The following COL26A1 variants were observed in gnomAD, a reference collection of about 807,000 sequenced individuals.
COL26A1 encodes the protein collagen type XXVI alpha 1 chain.
In COL26A1, 41 loss-of-function variants were observed where a neutral mutation model predicts 59.3. The observed-to-expected ratio is 0.69, with a 90% confidence interval of 0.54 to 0.90. The LOEUF (loss-of-function observed/expected upper bound fraction) is 0.90. Among genes scored for constraint, COL26A1 ranks in the 40% least tolerant of loss-of-function variants. The probability of loss-of-function intolerance (pLI) is 0.00; values close to 1 mark genes in which losing one functional copy is unlikely to be tolerated. For synonymous variants in COL26A1, 266 were observed against 256.0 expected, an observed-to-expected ratio of 1.04 and a Z score of -0.37; for missense variants, 612 against 602.3, an observed-to-expected ratio of 1.02 and a Z score of -0.17.
At chr7:101,432,340 G>A (rs979551749) in intron 2 of COL26A1, among the ~76,000 whole-genome samples, 1 of 152,182 alleles carries the variant, frequency 6.6e-6, no homozygotes, top group Admixed American at 6.5e-5. Flanking sequence ...GGTGGCTCAT[G>A]CTAGGGGGAT....
intron 3 of COL26A1, among the ~76,000 whole-genome samples, chr7:101,481,182 A>G (rs1358618481): frequency 6.6e-6 from 1 of 152,122 alleles, no homozygotes; most frequent in Non-Finnish European, 1.5e-5. Context: ...ACAGTTTTCT[A>G]GCAAATCTTT....
At chr7:101,452,337 C>T (rs991222661) in intron 3 of COL26A1, among the ~76,000 whole-genome samples, 1 of 152,086 alleles carries the variant, frequency 6.6e-6, no homozygotes, top group Non-Finnish European at 1.5e-5. Flanking sequence ...GGGCTGTGGA[C>T]CCACCTTTCT....
intron 3 of COL26A1, among the ~76,000 whole-genome samples, chr7:101,466,795 G>GGTGTGTGTGTGTGTGTGTGTGTGT (rs59942660): frequency 1.6e-5 from 2 of 125,174 alleles, no homozygotes; most frequent in East Asian, 2.3e-4. Context: ...GGCATGTTCT[G>GGTGTGTGTGTGTGTGTGTGTGTGT]GTGTGTGTGT....
chr7:101,488,150 C>G (rs1357699091), intron 3 of COL26A1, among the ~76,000 whole-genome samples: 1 of 150,236 alleles, frequency 6.7e-6, no homozygotes, highest in Non-Finnish European at 1.5e-5. Context: ...GATGTGGTGG[C>G]GGGTGCCTGT....
rs190315247 is a variant in COL26A1 at position 101,454,334 on chromosome 7, G to A, written c.385+6547G>A. 3.6e-3 allele frequency among the ~76,000 whole-genome samples: 515 copies of A among 145,024 alleles called. 3 individuals carry two copies. The highest frequency in any genetic ancestry group is 0.011 in the African/African-American group (429 of 38,954). ...GACTGGAGTGCAATGGCATGATCTC[G>A]GCTCACTGCAACCTCCCAGGTTCAA... On this transcript the variant is annotated intron_variant, in intron 3 of 12. Transcript: ENST00000313669.
At chr7:101,516,562 C>T (rs184125003) in intron 3 of COL26A1, among the ~76,000 whole-genome samples, 31 of 152,308 alleles carry the variant, frequency 2.0e-4, no homozygotes, top group African/African-American at 7.5e-4. Flanking sequence ...TAAGCTAGTG[C>T]ACCTGGTGAG....
At chr7:101,405,742 G>A (rs1458915762) in intron 1 of COL26A1, among the ~76,000 whole-genome samples, 1 of 152,058 alleles carries the variant, frequency 6.6e-6, no homozygotes, top group African/African-American at 2.4e-5. Flanking sequence ...CGGTAGTTGG[G>A]GATCACTGCT....
chr7:101,389,536 T>C (rs1791673567), intron 1 of COL26A1, among the ~76,000 whole-genome samples: 1 of 151,848 alleles, frequency 6.6e-6, no homozygotes, highest in East Asian at 1.9e-4. Flanking sequence ...TGCACCACCA[T>C]GTCCAGCTAT....
At chr7:101,391,047 G>A (rs1051693521) in intron 1 of COL26A1, among the ~76,000 whole-genome samples, 4 of 152,224 alleles carry the variant, frequency 2.6e-5, no homozygotes, top group African/African-American at 4.8e-5. Flanking sequence ...GAGGTCAGCC[G>A]CTGCCTGGCT....
At chr7:101,552,200 A>G (rs1403633011) in intron 10 of COL26A1, among the ~76,000 whole-genome samples, 1 of 152,226 alleles carries the variant, frequency 6.6e-6, no homozygotes, top group Non-Finnish European at 1.5e-5. Context: ...TAATCCTCCT[A>G]ACAACAGATG....
chr7:101,387,778 A>ATTTTTTTTTTTTTTTTTTTT (rs1554404085), intron 1 of COL26A1, among the ~76,000 whole-genome samples: 6 of 84,800 alleles, frequency 7.1e-5, no homozygotes, highest in Non-Finnish European at 1.1e-4. Context: ...ATATATATAT[A>ATTTTTTTTTTTTTTTTTTTT]TTTTTTTTTA....
intron 12 of COL26A1, among the ~76,000 whole-genome samples, chr7:101,556,269 C>A (rs549257426): frequency 6.6e-6 from 1 of 152,332 alleles, no homozygotes; most frequent in Non-Finnish European, 1.5e-5. Flanking sequence ...ATAGGGGAGG[C>A]TTCCATTCCA....
At position 101,552,183 on chromosome 7, in the gene COL26A1, A is replaced by T. The variant is rs77940268; in HGVS notation, c.1029+1040A>T. Among the ~76,000 whole-genome samples the T allele has an allele frequency of 2.0e-4, 31 of 152,312 alleles. No individual in the cohort carries two copies. The East Asian group carries it at 5.6e-3, about 27-fold the overall frequency. Reference sequence around the variant, plus strand: ...TAATCTAAGCTCATTGTCCCTATTGATTAACTTAATCCTCCTAACAACAGA... The same window carrying T: ...TAATCTAAGCTCATTGTCCCTATTGTTTAACTTAATCCTCCTAACAACAGA... On this transcript the variant is annotated intron_variant, in intron 10 of 12. Transcript: ENST00000313669.
chr7:101,390,158 T>TTG (rs1363954045), intron 1 of COL26A1, among the ~76,000 whole-genome samples: 1 of 136,694 alleles, frequency 7.3e-6, no homozygotes, highest in Non-Finnish European at 1.5e-5. Flanking sequence ...GTTTTTTTTT[T>TTG]TTTTTTTTTT....
rs1329101794 is a variant in COL26A1 at position 101,539,950 on chromosome 7, C to T, written c.505C>T (p.Pro169Ser). ...PSSPDNDLPA[P>S]ESTPPTWNED... ...CAGCCCGGACAACGACCTGCCAGCC[C>T]CCGAGAGCACTCCGCCGACCTGGAA... The change falls in exon 5 of 13, where the codon CCC becomes TCC. Residue 169 changes from proline (P) to serine (S), a missense_variant. Physicochemically the swap from Pro to Ser is moderately conservative, Grantham distance 74. Coordinates refer to ENST00000313669, the MANE Select transcript of COL26A1 (RefSeq NM_001278563.3). The T allele has an allele frequency of 1.2e-6, 2 of 1,613,704 alleles. No individual in the cohort carries two copies. The highest frequency in any genetic ancestry group is 1.7e-6 in the Non-Finnish European group (2 of 1,179,846).
chr7:101,434,541 T>C (rs571968548), intron 2 of COL26A1, among the ~76,000 whole-genome samples: 18 of 150,506 alleles, frequency 1.2e-4, no homozygotes, highest in African/African-American at 3.9e-4. Context: ...AGATTATAGG[T>C]GTGAGCCACT....
intron 3 of COL26A1, among the ~76,000 whole-genome samples, chr7:101,471,475 C>T (rs932254343): frequency 1.3e-5 from 2 of 151,584 alleles, no homozygotes; most frequent in African/African-American, 2.4e-5. Flanking sequence ...AGGCTATCCT[C>T]AGAAAGCAGA....
intron 4 of COL26A1, among the ~76,000 whole-genome samples, chr7:101,533,621 G>A (rs1795416173): frequency 6.6e-6 from 1 of 152,198 alleles, no homozygotes; most frequent in Admixed American, 6.5e-5. Flanking sequence ...AATCCACAAA[G>A]GACAAGTAAT....
chr7:101,465,034 CTTTTTTTTTTT>C (rs112899121), intron 3 of COL26A1, among the ~76,000 whole-genome samples: 5 of 130,064 alleles, frequency 3.8e-5, no homozygotes, highest in Non-Finnish European at 8.2e-5. Context: ...TTCTTTCTTT[CTTTTTTTTTTT>C]TTTTTTTGTT....
Sources: allele counts gnomAD v4.1 joint callset (sites outside exome capture counted in the v4.1 genomes callset), GRCh38; gene constraint gnomAD v4.1.1; transcripts MANE v1.5; gene names NCBI Gene and HGNC (gene_info 2026-07-23, HGNC 2026-07-21).